FNDC3A: variants seen among roughly 807,000 people sequenced by gnomAD.
The protein encoded by FNDC3A is fibronectin type-III domain-containing protein 3A.
FNDC3A carries 32 observed loss-of-function variants against 148.9 expected under a neutral mutation model. The observed-to-expected ratio is 0.21, with a 90% confidence interval of 0.16 to 0.29. FNDC3A has a LOEUF of 0.29. Among genes scored for constraint, FNDC3A ranks in the 10% least tolerant of loss-of-function variants. FNDC3A has a pLI of 1.00. For missense variants in FNDC3A, 1,191 were observed against 1,452.8 expected, an observed-to-expected ratio of 0.82 and a Z score of 2.93; for synonymous variants, 472 against 473.6, an observed-to-expected ratio of 1.00 and a Z score of 0.04.
In FNDC3A at chr13:49,053,918, A is replaced by C. The variant is rs536586000; in HGVS notation, c.100-21371A>C. Reference sequence around the variant, plus strand: ...ATTGCAAAATATGTCAGAGAAACATATTTTGAGGTAAAATACTTTGGTTTC... The same window carrying C: ...ATTGCAAAATATGTCAGAGAAACATCTTTTGAGGTAAAATACTTTGGTTTC... On this transcript the variant is annotated intron_variant, in intron 2 of 25. Transcript: ENST00000492622. 2.0e-5 allele frequency among the ~76,000 whole-genome samples: 3 copies of C among 152,306 alleles called. No homozygotes were observed. In the East Asian group the frequency reaches 5.8e-4, roughly 29 times the overall value.
intron 2 of FNDC3A, among the ~76,000 whole-genome samples, chr13:49,029,511 T>C (rs1873957722): frequency 6.6e-6 from 1 of 152,106 alleles, no homozygotes; most frequent in Non-Finnish European, 1.5e-5. Flanking sequence ...TTTAAAAAGC[T>C]ATAAAAAGAA....
chr13:49,176,528 T>C (rs917816327), intron 13 of FNDC3A, among the ~76,000 whole-genome samples: 3 of 152,158 alleles, frequency 2.0e-5, no homozygotes, highest in Non-Finnish European at 4.4e-5. Flanking sequence ...AAATACCTAA[T>C]GTAGATGATG....
chr13:49,127,432 G>A lies in FNDC3A; in HGVS notation c.253-3705G>A, dbSNP rs555955618. On this transcript the variant is annotated intron_variant, in intron 4 of 25. Coordinates refer to ENST00000492622, the MANE Select transcript of FNDC3A (RefSeq NM_001079673.2). ...CTTAAACCCACTGCAGTTGGGCTTT[G>A]ACCCTATGACTATACCAAAACTGCC... Among the ~76,000 whole-genome samples the A allele has an allele frequency of 2.6e-5, 4 of 152,280 alleles. No individual in the cohort carries two copies. The South Asian group carries it at 8.3e-4, about 32-fold the overall frequency.
In FNDC3A at chr13:49,209,599, G is replaced by A. The variant is rs577212031; in HGVS notation, c.*2204G>A. On this transcript the variant is annotated 3_prime_UTR_variant, in exon 26 of 26. Transcript: ENST00000492622. ...AGTTGTATCATTCTTTTTGAGATAC[G>A]TTTATTGTATTCATATATATTCATT... 55 of 152,612 alleles carry A rather than the reference G, an allele frequency of 3.6e-4. No homozygotes were observed. Among genetic ancestry groups the A allele is most frequent in the Admixed American group, 2.7e-3 (41 of 15,282 alleles). 9.5% of individuals were successfully genotyped at this position (152,612 alleles called of 1,614,324 possible).
chr13:49,189,813 A>G (rs1885789424), intron 17 of FNDC3A, among the ~76,000 whole-genome samples: 1 of 148,676 alleles, frequency 6.7e-6, no homozygotes, highest in South Asian at 2.1e-4. Context: ...AAAGATGACC[A>G]AATATTTTGT....
intron 10 of FNDC3A, among the ~76,000 whole-genome samples, chr13:49,171,390 T>C (rs1185985557): frequency 6.6e-6 from 1 of 152,126 alleles, no homozygotes; most frequent in Non-Finnish European, 1.5e-5. Flanking sequence ...ATAATAAGAA[T>C]AGGGGTGACC....
chr13:49,033,473 G>A (rs563000676), intron 2 of FNDC3A, among the ~76,000 whole-genome samples: 1 of 152,158 alleles, frequency 6.6e-6, no homozygotes, highest in Non-Finnish European at 1.5e-5. Context: ...CCAGAATAGA[G>A]TTTGTAAAGG....
At chr13:49,107,897 G>A (rs572782807) in intron 3 of FNDC3A, among the ~76,000 whole-genome samples, 1 of 152,264 alleles carries the variant, frequency 6.6e-6, no homozygotes, top group East Asian at 1.9e-4. Flanking sequence ...TCAGGTGTAA[G>A]AGAAGACGGA....
chr13:49,193,264 A>ATCT (rs1340060942), intron 19 of FNDC3A, among the ~76,000 whole-genome samples: 1 of 152,078 alleles, frequency 6.6e-6, no homozygotes, highest in Non-Finnish European at 1.5e-5. Context: ...GTATAGACAG[A>ATCT]TAGACAGACT....
chr13:49,061,814 T>C (rs1400476103), intron 2 of FNDC3A, among the ~76,000 whole-genome samples: 1 of 72,106 alleles, frequency 1.4e-5, no homozygotes, highest in Non-Finnish European at 2.6e-5. Flanking sequence ...TCTCCTCTCC[T>C]CTCCTCTCCT....
chr13:49,031,558 T>A (rs190794288), intron 2 of FNDC3A, among the ~76,000 whole-genome samples: 3 of 152,222 alleles, frequency 2.0e-5, no homozygotes, highest in Admixed American at 1.3e-4. Context: ...CAACAAATGG[T>A]GCTGAAACAA....
intron 2 of FNDC3A, among the ~76,000 whole-genome samples, chr13:49,059,636 A>G (rs990417293): frequency 5.3e-5 from 8 of 151,942 alleles, no homozygotes; most frequent in African/African-American, 1.9e-4. Context: ...TTGTATTTTT[A>G]GTAGAGACAG....
intron 1 of FNDC3A, among the ~76,000 whole-genome samples, chr13:48,988,497 A>C (rs1329162363): frequency 1.4e-4 from 21 of 152,186 alleles, no homozygotes; most frequent in Admixed American, 1.4e-3. Context: ...CCAGAATCTA[A>C]ATTGCATATG....
At chr13:49,009,341 C>T (rs1448516005) in intron 2 of FNDC3A, among the ~76,000 whole-genome samples, 1 of 152,052 alleles carries the variant, frequency 6.6e-6, no homozygotes, top group Non-Finnish European at 1.5e-5. Context: ...ATAGATGGAC[C>T]AGTTTGTTTA....
At chr13:48,991,568 G>C (rs1951918087) in intron 1 of FNDC3A, among the ~76,000 whole-genome samples, 1 of 151,936 alleles carries the variant, frequency 6.6e-6, no homozygotes, top group Non-Finnish European at 1.5e-5. Context: ...CACGCCTGTA[G>C]ACCCAGCTAC....
intron 1 of FNDC3A, among the ~76,000 whole-genome samples, chr13:48,993,607 C>T (rs976171179): frequency 5.3e-5 from 8 of 151,826 alleles, no homozygotes; most frequent in Admixed American, 2.0e-4. Flanking sequence ...TTTTAAGGAA[C>T]TAAAAATTTT....
At chr13:49,109,895 T>G (rs1415042597) in intron 3 of FNDC3A, among the ~76,000 whole-genome samples, 2 of 152,122 alleles carry the variant, frequency 1.3e-5, no homozygotes, top group African/African-American at 2.4e-5. Context: ...AAGGATTGAG[T>G]ATGGAGAATT....
intron 3 of FNDC3A, among the ~76,000 whole-genome samples, chr13:49,100,920 A>G (rs910425131): frequency 6.6e-6 from 1 of 152,114 alleles, no homozygotes; most frequent in Non-Finnish European, 1.5e-5. Context: ...TTGCTTTCCT[A>G]TTAGCATGTA....
chr13:49,104,443 G>A (rs573795336), intron 3 of FNDC3A, among the ~76,000 whole-genome samples: 14 of 152,300 alleles, frequency 9.2e-5, no homozygotes, highest in African/African-American at 3.1e-4. Flanking sequence ...AGAATGGCGT[G>A]AACCCAGGAG....
Sources: gnomAD v4.1 joint callset for allele counts (sites outside exome capture counted in the v4.1 genomes callset) on GRCh38, gnomAD v4.1.1 for gene constraint, MANE v1.5 for transcripts, NCBI Gene and HGNC (gene_info 2026-07-23, HGNC 2026-07-21) for gene names.